L3MBTL4: variants seen among roughly 807,000 people sequenced by gnomAD.
L3MBTL4 encodes the protein L3MBTL histone methyl-lysine binding protein 4.
In L3MBTL4, 70 loss-of-function variants were observed where a neutral mutation model predicts 84.5. That is an observed-to-expected ratio of 0.83 (90% CI 0.68 to 1.01). L3MBTL4 has a LOEUF of 1.01. L3MBTL4 is among the 50% of genes least tolerant of loss of function. The pLI, the probability that L3MBTL4 is intolerant of heterozygous loss-of-function variation, is 0.00. For missense variants in L3MBTL4, 715 were observed against 754.8 expected, an observed-to-expected ratio of 0.95 and a Z score of 0.62; for synonymous variants, 274 against 259.8, an observed-to-expected ratio of 1.05 and a Z score of -0.52.
intron 5 of L3MBTL4, among the ~76,000 whole-genome samples, chr18:6,252,288 C>T (rs1330439831): frequency 4.6e-5 from 7 of 151,904 alleles, no homozygotes; most frequent in African/African-American, 7.3e-5. Context: ...ACTCCAGCCT[C>T]GGTGACAGAG....
chr18:6,013,160 A>G (rs1441313016), intron 16 of L3MBTL4, among the ~76,000 whole-genome samples: 2 of 152,190 alleles, frequency 1.3e-5, no homozygotes, highest in Non-Finnish European at 2.9e-5. Context: ...GCCAGAAGGA[A>G]TGTCTCAGTG....
At chr18:6,134,105 C>G (rs2059956587) in intron 14 of L3MBTL4, among the ~76,000 whole-genome samples, 1 of 152,134 alleles carries the variant, frequency 6.6e-6, no homozygotes, top group East Asian at 1.9e-4. Flanking sequence ...AAAGGCACTT[C>G]TTACATGGTG....
At chr18:6,199,526 C>G (rs748931925) in intron 12 of L3MBTL4, among the ~76,000 whole-genome samples, 2 of 152,120 alleles carry the variant, frequency 1.3e-5, no homozygotes, top group Non-Finnish European at 2.9e-5. Flanking sequence ...ATAGAGACCA[C>G]CAGTAGTACA....
intron 16 of L3MBTL4, among the ~76,000 whole-genome samples, chr18:5,973,104 A>G (rs1195409513): frequency 6.6e-6 from 1 of 152,238 alleles, no homozygotes; most frequent in East Asian, 1.9e-4. Flanking sequence ...AGTTGTAATG[A>G]TAGTGAATGT....
At chr18:6,239,577 A>G in intron 9 of L3MBTL4, 141 bp downstream of exon 9, 1 of 724,320 alleles carries the variant, frequency 1.4e-6, no homozygotes, top group South Asian at 1.8e-5. Flanking sequence ...ATGGAAGAGA[A>G]GGTAATGAAC....
At chr18:6,196,595 C>T (rs1049680088) in intron 12 of L3MBTL4, among the ~76,000 whole-genome samples, 3 of 152,194 alleles carry the variant, frequency 2.0e-5, no homozygotes, top group Non-Finnish European at 4.4e-5. Flanking sequence ...ATGAAACCTA[C>T]TTGCTCCCAT....
At position 6,069,549 on chromosome 18, in the gene L3MBTL4, C is replaced by T. The variant is rs923327723; in HGVS notation, c.1444+11332G>A. Among the ~76,000 whole-genome samples the T allele has an allele frequency of 4.6e-5, 7 of 151,992 alleles. No individual in the cohort carries two copies. The South Asian group carries it at 8.3e-4, about 18-fold the overall frequency. ...ACAACCAAGTGAGGGCAGGGTTAGGCGGGTCTGTGCTCTGACTCTTCTTGA... is the reference window on the plus strand; with the variant it reads ...ACAACCAAGTGAGGGCAGGGTTAGGTGGGTCTGTGCTCTGACTCTTCTTGA... On this transcript the variant is annotated intron_variant, in intron 16 of 18. Transcript: ENST00000317931.
At chr18:6,065,493 G>C (rs898232913) in intron 16 of L3MBTL4, among the ~76,000 whole-genome samples, 2 of 151,662 alleles carry the variant, frequency 1.3e-5, no homozygotes, top group African/African-American at 4.8e-5. Context: ...TTTTGTTGTT[G>C]ACGGCAATTT....
chr18:6,318,261 T>C (rs2051211601), intron 1 of L3MBTL4, among the ~76,000 whole-genome samples: 1 of 151,878 alleles, frequency 6.6e-6, no homozygotes, highest in African/African-American at 2.4e-5. Flanking sequence ...CATCTCAATA[T>C]TAATGTTGAA....
chr18:6,303,672 C>T (rs2050442263), intron 3 of L3MBTL4, among the ~76,000 whole-genome samples: 1 of 152,144 alleles, frequency 6.6e-6, no homozygotes, highest in African/African-American at 2.4e-5. Context: ...AAAAGCCCCA[C>T]ATCTGGGGAA....
At chr18:6,253,112 G>C (rs2047997329) in intron 5 of L3MBTL4, among the ~76,000 whole-genome samples, 1 of 152,314 alleles carries the variant, frequency 6.6e-6, no homozygotes, top group South Asian at 2.1e-4. Flanking sequence ...TGAGGCAGAA[G>C]AATCGCTTGA....
At chr18:6,235,709 A>C (rs2047190521) in intron 10 of L3MBTL4, among the ~76,000 whole-genome samples, 2 of 152,226 alleles carry the variant, frequency 1.3e-5, no homozygotes, top group African/African-American at 4.8e-5. Flanking sequence ...TCTACTTAAT[A>C]ATCACAGAAG....
At chr18:6,412,580 G>A (rs773955926) in intron 1 of L3MBTL4, among the ~76,000 whole-genome samples, 5 of 152,164 alleles carry the variant, frequency 3.3e-5, no homozygotes, top group Non-Finnish European at 7.4e-5. Flanking sequence ...AAGAACTCGA[G>A]GGCTTTCCAT....
intron 1 of L3MBTL4, among the ~76,000 whole-genome samples, chr18:6,398,260 C>A (rs905265905): frequency 6.6e-6 from 1 of 152,144 alleles, no homozygotes; most frequent in East Asian, 1.9e-4. Context: ...ATTGTGGAGG[C>A]CTCTACTTCA....
intron 14 of L3MBTL4, among the ~76,000 whole-genome samples, chr18:6,103,180 C>G (rs2058891526): frequency 6.6e-6 from 1 of 152,152 alleles, no homozygotes; most frequent in Non-Finnish European, 1.5e-5. Context: ...TACCAAAACT[C>G]TAACTACACA....
intron 14 of L3MBTL4, among the ~76,000 whole-genome samples, chr18:6,136,028 T>C (rs1162943457): frequency 6.6e-6 from 1 of 152,154 alleles, no homozygotes; most frequent in Non-Finnish European, 1.5e-5. Flanking sequence ...ACATCTTACA[T>C]GGTGGCAGCA....
intron 1 of L3MBTL4, among the ~76,000 whole-genome samples, chr18:6,403,317 C>T (rs1224451787): frequency 3.9e-5 from 6 of 152,186 alleles, no homozygotes; most frequent in Non-Finnish European, 8.8e-5. Context: ...TTGTGCAGAA[C>T]TTTAGCAAAT....
intron 16 of L3MBTL4, among the ~76,000 whole-genome samples, chr18:6,075,409 C>T (rs1026189375): frequency 3.9e-5 from 6 of 152,072 alleles, no homozygotes; most frequent in Non-Finnish European, 7.4e-5. Flanking sequence ...CAAGTATGAA[C>T]TACTTGTGTT....
At chr18:6,245,575 C>T (rs1290876620) in intron 5 of L3MBTL4, among the ~76,000 whole-genome samples, 1 of 150,284 alleles carries the variant, frequency 6.7e-6, no homozygotes, top group East Asian at 1.9e-4. Context: ...TCTGAAGCTA[C>T]ATAGGTATTT....
Sources: gnomAD v4.1 joint callset for allele counts (sites outside exome capture counted in the v4.1 genomes callset) on GRCh38, gnomAD v4.1.1 for gene constraint, MANE v1.5 for transcripts, NCBI Gene and HGNC (gene_info 2026-07-23, HGNC 2026-07-21) for gene names.